GUCY1A2: variants seen among roughly 807,000 people sequenced by gnomAD.
GUCY1A2 encodes guanylate cyclase 1 soluble subunit alpha 2.
In GUCY1A2, 27 loss-of-function variants were observed where a neutral mutation model predicts 63.5. That is an observed-to-expected ratio of 0.43 (90% CI 0.31 to 0.59). The LOEUF (loss-of-function observed/expected upper bound fraction) is 0.59, where lower values mean the gene tolerates loss of function less well. Among genes scored for constraint, GUCY1A2 ranks in the 20% least tolerant of loss-of-function variants. GUCY1A2 has a pLI of 0.11. For synonymous variants in GUCY1A2, 364 were observed against 343.5 expected (o/e 1.06, Z -0.66); for missense variants, 768 against 913.3 (o/e 0.84, Z 2.05).
At chr11:106,921,391 G>C (rs530817391) in intron 4 of GUCY1A2, among the ~76,000 whole-genome samples, 1 of 152,038 alleles carries the variant, frequency 6.6e-6, no homozygotes, top group African/African-American at 2.4e-5. Flanking sequence ...GTGATCTTAA[G>C]ACAAAATGTG....
chr11:106,732,868 T>C (rs1457413241), intron 6 of GUCY1A2, among the ~76,000 whole-genome samples: 1 of 152,132 alleles, frequency 6.6e-6, no homozygotes, highest in Non-Finnish European at 1.5e-5. Flanking sequence ...AGAAACAAGA[T>C]TGGAATAAAA....
intron 3 of GUCY1A2, among the ~76,000 whole-genome samples, chr11:106,968,959 C>G (rs1861161040): frequency 6.6e-6 from 1 of 152,054 alleles, no homozygotes; most frequent in African/African-American, 2.4e-5. Context: ...GAAAAGAGCA[C>G]TCCAAAACAC....
At chr11:106,956,565 G>T (rs1343773424) in intron 3 of GUCY1A2, among the ~76,000 whole-genome samples, 1 of 151,966 alleles carries the variant, frequency 6.6e-6, no homozygotes, top group Non-Finnish European at 1.5e-5. Flanking sequence ...AGTTTGCTAG[G>T]GGTTCACTTC....
At chr11:106,833,481 T>C (rs1463148866) in intron 4 of GUCY1A2, among the ~76,000 whole-genome samples, 1 of 152,118 alleles carries the variant, frequency 6.6e-6, no homozygotes, top group African/African-American at 2.4e-5. Flanking sequence ...ACTTTCACCA[T>C]TCTTGATTCC....
At chr11:106,789,578 C>T (rs1426187597) in intron 5 of GUCY1A2, among the ~76,000 whole-genome samples, 4 of 152,108 alleles carry the variant, frequency 2.6e-5, no homozygotes, top group Non-Finnish European at 4.4e-5. Context: ...ATGAAGAGTT[C>T]AGAATTTATT....
chr11:106,692,888 C>G (rs536469810), intron 7 of GUCY1A2, among the ~76,000 whole-genome samples: 1 of 152,270 alleles, frequency 6.6e-6, no homozygotes, highest in South Asian at 2.1e-4. Flanking sequence ...CAGAATAAAC[C>G]TTGCTGAAAT....
intron 7 of GUCY1A2, among the ~76,000 whole-genome samples, chr11:106,705,061 T>C (rs1454344828): frequency 1.3e-5 from 2 of 152,096 alleles, no homozygotes; most frequent in South Asian, 2.1e-4. Flanking sequence ...TTTGGAAAAC[T>C]TAAAACTCAA....
chr11:106,962,414 T>G (rs982373523), intron 3 of GUCY1A2, among the ~76,000 whole-genome samples: 41 of 151,608 alleles, frequency 2.7e-4, no homozygotes, highest in Non-Finnish European at 4.7e-4. Flanking sequence ...ACAAATATTT[T>G]TGTGGTAGCA....
chr11:106,983,710 T>A (rs2120133550), intron 2 of GUCY1A2, among the ~76,000 whole-genome samples: 1 of 152,294 alleles, frequency 6.6e-6, no homozygotes, highest in East Asian at 1.9e-4. Context: ...GGTATTTAAA[T>A]GCTGAGTTAT....
intron 6 of GUCY1A2, among the ~76,000 whole-genome samples, chr11:106,761,865 G>A (rs542082434): frequency 6.6e-6 from 1 of 152,066 alleles, no homozygotes; most frequent in Admixed American, 6.6e-5. Flanking sequence ...AAAATGAAGA[G>A]AAAAATAACA....
intron 4 of GUCY1A2, among the ~76,000 whole-genome samples, chr11:106,895,143 A>AT (rs1439891983): frequency 6.6e-6 from 1 of 152,226 alleles, no homozygotes. Flanking sequence ...GATAACCTAG[A>AT]TAAAATGGAT....
intron 4 of GUCY1A2, among the ~76,000 whole-genome samples, chr11:106,860,440 T>C (rs553559056): frequency 1.5e-4 from 23 of 152,112 alleles, no homozygotes; most frequent in African/African-American, 5.5e-4. Context: ...TTTCAAATTA[T>C]AGGTCATTTT....
chr11:106,766,712 T>C (rs1182490461), intron 6 of GUCY1A2, among the ~76,000 whole-genome samples: 1 of 152,136 alleles, frequency 6.6e-6, no homozygotes, highest in Non-Finnish European at 1.5e-5. Flanking sequence ...TACTGTCTTA[T>C]GTGTTGTATC....
chr11:106,774,044 C>G (rs760975254), intron 6 of GUCY1A2, among the ~76,000 whole-genome samples: 1 of 152,174 alleles, frequency 6.6e-6, no homozygotes, highest in East Asian at 1.9e-4. Context: ...AGTACAATAC[C>G]AATTTCAATT....
At chr11:106,695,475 A>G (rs1376026803) in intron 7 of GUCY1A2, among the ~76,000 whole-genome samples, 10 of 152,140 alleles carry the variant, frequency 6.6e-5, no homozygotes, top group Non-Finnish European at 1.0e-4. Flanking sequence ...GAGAAGGACG[A>G]CGGTTCTGAA....
chr11:106,762,233 C>T (rs1864078010), intron 6 of GUCY1A2, among the ~76,000 whole-genome samples: 1 of 151,948 alleles, frequency 6.6e-6, no homozygotes, highest in Non-Finnish European at 1.5e-5. Context: ...AATGTATTTA[C>T]TTATTTATAT....
intron 3 of GUCY1A2, 146 bp from the exon 4 acceptor site, chr11:106,940,324 A>T (rs1039409046): frequency 3.3e-5 from 18 of 540,346 alleles, no homozygotes; most frequent in Admixed American, 6.9e-5. Context: ...ACATAGGTTA[A>T]TTCACTCATC....
intron 4 of GUCY1A2, among the ~76,000 whole-genome samples, chr11:106,926,899 T>C (rs1860531396): frequency 6.6e-6 from 1 of 151,172 alleles, no homozygotes; most frequent in African/African-American, 2.4e-5. Context: ...CTTTTTTCTC[T>C]ATTTTCTCTA....
At chr11:106,951,717 C>G (rs768807722) in intron 3 of GUCY1A2, among the ~76,000 whole-genome samples, 30 of 152,142 alleles carry the variant, frequency 2.0e-4, no homozygotes, top group Non-Finnish European at 7.4e-5. Flanking sequence ...GTTTATTTTG[C>G]TGTGCAGAAG....
Sources: allele counts gnomAD v4.1 joint callset (sites outside exome capture counted in the v4.1 genomes callset), GRCh38; gene constraint gnomAD v4.1.1; transcripts MANE v1.5; gene names NCBI Gene and HGNC (gene_info 2026-07-23, HGNC 2026-07-21).